The following TMEM74 variants were observed in gnomAD, a reference collection of about 807,000 sequenced individuals.
TMEM74 encodes transmembrane protein 74.
Under a neutral mutation model 18.1 loss-of-function variants are expected in TMEM74, and 13 were observed. That is an observed-to-expected ratio of 0.72 (90% CI 0.47 to 1.14). TMEM74 has a LOEUF of 1.14. Ranked by LOEUF, TMEM74 falls within the 50% of genes most tolerant of loss-of-function variation. The probability of loss-of-function intolerance (pLI) is 0.00; values close to 1 mark genes in which losing one functional copy is unlikely to be tolerated. For synonymous variants in TMEM74, 159 were observed against 146.6 expected, an observed-to-expected ratio of 1.08 and a Z score of -0.61; for missense variants, 372 against 375.9, an observed-to-expected ratio of 0.99 and a Z score of 0.09.
At chr8:108,731,272 T>A (rs1813692765) in intron 1 of TMEM74, among the ~76,000 whole-genome samples, 1 of 151,790 alleles carries the variant, frequency 6.6e-6, no homozygotes, top group Admixed American at 6.6e-5. Flanking sequence ...CCATTAAGAT[T>A]GTAGAAAGTG....
chr8:108,608,922 A>G (rs1284111609), intron 2 of TMEM74: 1 of 152,250 alleles, frequency 6.6e-6, no homozygotes, highest in Non-Finnish European at 1.5e-5. Flanking sequence ...GGCCAGATGC[A>G]TTGTGGGTAA....
intron 1 of TMEM74, among the ~76,000 whole-genome samples, chr8:108,684,049 T>C (rs138096339): frequency 6.6e-6 from 1 of 152,220 alleles, no homozygotes; most frequent in Admixed American, 6.5e-5. Context: ...ATTGTGAATA[T>C]GACTGTGATA....
At position 108,615,819 on chromosome 8, in the gene TMEM74, C is replaced by CTTTTTTTTTTTT. The variant is rs71564011; in HGVS notation, n.265-7005_265-6994dup. Among the ~76,000 whole-genome samples the CTTTTTTTTTTTT allele has an allele frequency of 3.4e-4, 26 of 76,456 alleles. 2 individuals carry two copies. Among genetic ancestry groups the CTTTTTTTTTTTT allele is most frequent in the East Asian group, 1.4e-3 (3 of 2,112 alleles). 50.2% of individuals were successfully genotyped at this position (76,456 alleles called of 152,430 possible). A position where few individuals can be genotyped will look rare whatever the true frequency, so the allele number is the denominator to read the frequency against. ...TGCAATGATTGGGATTGCATGGGAG[C>CTTTTTTTTTTTT]TTTTTTTTTTTTTTTTTTTTTTTGG... On this transcript the variant is annotated intron_variant and non_coding_transcript_variant, in intron 2 of 3. Transcript: ENST00000518838.
chr8:108,653,029 A>T (rs1418100622), intron 2 of TMEM74: 2 of 188,568 alleles, frequency 1.1e-5, no homozygotes, highest in Non-Finnish European at 2.2e-5. Context: ...TACACTCTTG[A>T]AGATGTTGAT....
intron 1 of TMEM74, among the ~76,000 whole-genome samples, chr8:108,756,882 A>T (rs1340174886): frequency 1.3e-5 from 2 of 152,038 alleles, no homozygotes; most frequent in African/African-American, 4.8e-5. Context: ...ATTCATAATG[A>T]CTGAGTCCAT....
intron 1 of TMEM74, among the ~76,000 whole-genome samples, chr8:108,749,970 C>T (rs1370588890): frequency 2.6e-5 from 4 of 152,138 alleles, no homozygotes; most frequent in African/African-American, 9.7e-5. Flanking sequence ...GACCTCTCCT[C>T]TGCTCAGGTT....
chr8:108,712,722 C>CGTGT (rs148041256), intron 1 of TMEM74, among the ~76,000 whole-genome samples: 1 of 151,258 alleles, frequency 6.6e-6, no homozygotes. Context: ...TATGTGTGTG[C>CGTGT]GTGTGTGTGT....
intron 1 of TMEM74, among the ~76,000 whole-genome samples, chr8:108,688,257 T>G (rs1421377845): frequency 6.6e-6 from 1 of 152,200 alleles, no homozygotes; most frequent in Non-Finnish European, 1.5e-5. Context: ...AAACTAAAGA[T>G]TTATATATTA....
chr8:108,756,766 A>C, intron 1 of TMEM74, among the ~76,000 whole-genome samples: 1 of 80,308 alleles, frequency 1.2e-5, no homozygotes, highest in East Asian at 5.3e-4. Flanking sequence ...GGAGGGAGGG[A>C]GGGGAGGGGA....
intron 1 of TMEM74, among the ~76,000 whole-genome samples, chr8:108,685,364 G>A (rs777281414): frequency 6.6e-6 from 1 of 152,020 alleles, no homozygotes; most frequent in Non-Finnish European, 1.5e-5. Flanking sequence ...TTTTCTATAT[G>A]TAAGATCAGT....
intron 1 of TMEM74, among the ~76,000 whole-genome samples, chr8:108,726,911 G>C (rs1240823929): frequency 6.6e-6 from 1 of 152,136 alleles, no homozygotes; most frequent in African/African-American, 2.4e-5. Context: ...GTAGGAACAA[G>C]TTTCATTCAA....
At chr8:108,607,510 A>C (rs1209383843) in exon 4 of TMEM74, 1 of 152,236 alleles carries the variant, frequency 6.6e-6, no homozygotes, top group Non-Finnish European at 1.5e-5. Flanking sequence ...GATAACTATA[A>C]AATGATGGCC....
At chr8:108,668,113 T>A (rs1812967876) in intron 1 of TMEM74, among the ~76,000 whole-genome samples, 1 of 152,210 alleles carries the variant, frequency 6.6e-6, no homozygotes, top group Admixed American at 6.6e-5. Context: ...GTTATTGGAA[T>A]GTCCTTTAAA....
Position 108,618,623 on chromosome 8 carries a change from C to G in TMEM74, n.265-9797G>C, listed in dbSNP as rs560229564. On this transcript the variant is annotated intron_variant and non_coding_transcript_variant, in intron 2 of 3. Transcript: ENST00000518838. The stretch of plus-strand genomic sequence containing the variant: ...TTTGTTGTTGCTTGGTAAATCTTTC[C>G]CACCACTGTGCAGTCTGTAGGGACT... Among the ~76,000 whole-genome samples, 4 of 152,250 alleles carry G rather than the reference C, an allele frequency of 2.6e-5. No individual in the cohort carries two copies. The South Asian group carries it at 8.3e-4, about 32-fold the overall frequency.
chr8:108,622,129 A>G (rs139383459), intron 2 of TMEM74, among the ~76,000 whole-genome samples: 1 of 152,254 alleles, frequency 6.6e-6, no homozygotes, highest in East Asian at 1.9e-4. Context: ...TAAAAGGGCA[A>G]AACGAGAATA....
At chr8:108,632,715 A>T (rs1367451676) in intron 2 of TMEM74, among the ~76,000 whole-genome samples, 2 of 152,030 alleles carry the variant, frequency 1.3e-5, no homozygotes, top group Non-Finnish European at 2.9e-5. Context: ...TTTGGACTTC[A>T]TGGAAAAGGC....
chr8:108,637,245 G>A (rs1812615930), intron 2 of TMEM74, among the ~76,000 whole-genome samples: 1 of 152,014 alleles, frequency 6.6e-6, no homozygotes. Context: ...TTTCCCATTT[G>A]AAATGTCAGC....
rs112119661 is a variant in TMEM74, at chr8:108,669,167, C to T, written n.120-13730G>A. 4.6e-3 allele frequency among the ~76,000 whole-genome samples: 693 copies of T among 152,106 alleles called. 9 individuals are homozygous for T. The highest frequency in any genetic ancestry group is 0.016 in the African/African-American group (645 of 41,482). ...ACTTAGGGGACTTATAGATCTCTCT[C>T]GTTTTTCAGGTTATGTTTCAGTTTA... On this transcript the variant is annotated intron_variant and non_coding_transcript_variant, in intron 1 of 3. Coordinates refer to the TMEM74 transcript ENST00000518838.
At chr8:108,618,887 T>C (rs886861096) in intron 2 of TMEM74, among the ~76,000 whole-genome samples, 2 of 152,152 alleles carry the variant, frequency 1.3e-5, no homozygotes, top group Non-Finnish European at 2.9e-5. Context: ...GAACCATCAT[T>C]GTCAGCATCA....
Sources: gnomAD v4.1 joint callset for allele counts (sites outside exome capture counted in the v4.1 genomes callset) on GRCh38, gnomAD v4.1.1 for gene constraint, MANE v1.5 for transcripts, NCBI Gene and HGNC (gene_info 2026-07-23, HGNC 2026-07-21) for gene names.